PPP2R2B: variants seen among roughly 807,000 people sequenced by gnomAD.
PPP2R2B encodes the protein protein phosphatase 2 regulatory subunit Bbeta.
In PPP2R2B, 5 loss-of-function variants were observed where a neutral mutation model predicts 46.0. That is an observed-to-expected ratio of 0.11 (90% confidence interval 0.06 to 0.23). PPP2R2B has a LOEUF of 0.23. Ranked by LOEUF, PPP2R2B falls within the 10% of genes least tolerant of loss-of-function variation. The pLI, the probability that PPP2R2B is intolerant of heterozygous loss-of-function variation, is 1.00. For synonymous variants in PPP2R2B, 215 were observed against 206.7 expected (o/e 1.04, Z -0.34); for missense variants, 367 against 575.0 (o/e 0.64, Z 3.70).
At chr5:146,690,650 G>A (rs1393045274) in intron 5 of PPP2R2B, among the ~76,000 whole-genome samples, 6 of 152,166 alleles carry the variant, frequency 3.9e-5, no homozygotes, top group African/African-American at 1.4e-4. Flanking sequence ...TTTGCAGATG[G>A]AGAAATTAAA....
intron 1 of PPP2R2B, among the ~76,000 whole-genome samples, chr5:146,929,727 TAAG>T (rs933743298): frequency 7.9e-5 from 12 of 152,126 alleles, no homozygotes; most frequent in African/African-American, 2.9e-4. Context: ...ATAAATAAAA[TAAG>T]CAGCAGTTTT....
chr5:147,081,518 G>A, upstream of PPP2R2B: 1 of 582,124 alleles, frequency 1.7e-6, no homozygotes, highest in East Asian at 2.8e-5. Context: ...TTCCTTCTGT[G>A]ATGGTGGGGA....
chr5:146,795,531 G>T (rs1179895703), intron 2 of PPP2R2B, among the ~76,000 whole-genome samples: 1 of 152,154 alleles, frequency 6.6e-6, no homozygotes, highest in African/African-American at 2.4e-5. Context: ...GGGTTGAGGA[G>T]TGAGGTATTG....
chr5:146,644,184 T>C (rs1775417096), intron 6 of PPP2R2B, among the ~76,000 whole-genome samples: 1 of 113,106 alleles, frequency 8.8e-6, no homozygotes, highest in Admixed American at 1.1e-4. Flanking sequence ...AATATCGTAA[T>C]GCAAAAAAAA....
chr5:146,640,797 A>G (rs926089858), intron 6 of PPP2R2B, among the ~76,000 whole-genome samples: 9 of 152,208 alleles, frequency 5.9e-5, no homozygotes, highest in African/African-American at 2.2e-4. Flanking sequence ...AAACATGTCT[A>G]TGAAACCAGG....
At chr5:147,018,575 A>T (rs1347179338) in intron 1 of PPP2R2B, among the ~76,000 whole-genome samples, 1 of 152,170 alleles carries the variant, frequency 6.6e-6, no homozygotes, top group Non-Finnish European at 1.5e-5. Context: ...AATGTTATGT[A>T]TCTAGATTCT....
intron 1 of PPP2R2B, among the ~76,000 whole-genome samples, chr5:146,972,415 C>T (rs1473252709): frequency 6.6e-6 from 1 of 152,050 alleles, no homozygotes; most frequent in Non-Finnish European, 1.5e-5. Context: ...AGCCCAAACT[C>T]AAGAGGGAGA....
chr5:146,606,184 A>G (rs952187871), intron 7 of PPP2R2B, among the ~76,000 whole-genome samples: 14 of 152,298 alleles, frequency 9.2e-5, no homozygotes, highest in African/African-American at 2.9e-4. Flanking sequence ...GACTCTGGGG[A>G]TAGGAGAAGA....
At chr5:146,645,477 G>A (rs572082161) in intron 6 of PPP2R2B, among the ~76,000 whole-genome samples, 4 of 152,298 alleles carry the variant, frequency 2.6e-5, no homozygotes, top group East Asian at 1.9e-4. Flanking sequence ...TGGGCAGGGT[G>A]AAAGCCACTG....
intron 1 of PPP2R2B, among the ~76,000 whole-genome samples, chr5:147,043,927 C>A (rs927445335): frequency 4.6e-5 from 7 of 152,036 alleles, no homozygotes; most frequent in African/African-American, 1.7e-4. Flanking sequence ...AATCCCACCT[C>A]TCCTGCTTGC....
chr5:146,908,829 T>C (rs1297276878), intron 1 of PPP2R2B, among the ~76,000 whole-genome samples: 1 of 149,448 alleles, frequency 6.7e-6, no homozygotes, highest in African/African-American at 2.5e-5. Context: ...CCACCCAGGG[T>C]TTTGCTATGT....
At chr5:146,736,013 CCCA>C (rs1752512872) in intron 2 of PPP2R2B, among the ~76,000 whole-genome samples, 1 of 152,056 alleles carries the variant, frequency 6.6e-6, no homozygotes, top group Non-Finnish European at 1.5e-5. Flanking sequence ...TCCCATAATC[CCCA>C]CGTGTTATGG....
At chr5:146,930,366 G>A (rs1763927997) in intron 1 of PPP2R2B, among the ~76,000 whole-genome samples, 1 of 152,182 alleles carries the variant, frequency 6.6e-6, no homozygotes, top group Admixed American at 6.6e-5. Context: ...TGGAGTGCTG[G>A]AGAAAAATAG....
chr5:146,928,667 T>C (rs1763868148), intron 1 of PPP2R2B, among the ~76,000 whole-genome samples: 1 of 152,170 alleles, frequency 6.6e-6, no homozygotes, highest in Non-Finnish European at 1.5e-5. Flanking sequence ...TCATATTCCA[T>C]ACTCAACATG....
At chr5:146,634,332 G>T (rs1282674590) in intron 7 of PPP2R2B, among the ~76,000 whole-genome samples, 1 of 152,046 alleles carries the variant, frequency 6.6e-6, no homozygotes, top group Non-Finnish European at 1.5e-5. Context: ...CAGCCTGAGG[G>T]TTTTGTTTAT....
intron 1 of PPP2R2B, among the ~76,000 whole-genome samples, chr5:146,980,240 T>C (rs936540489): frequency 5.3e-5 from 8 of 152,168 alleles, no homozygotes; most frequent in African/African-American, 1.7e-4. Flanking sequence ...CCCAACTAGA[T>C]GTTGGGCATA....
chr5:146,983,870 G>T (rs1457615848), intron 1 of PPP2R2B, among the ~76,000 whole-genome samples: 1 of 151,190 alleles, frequency 6.6e-6, no homozygotes, highest in Non-Finnish European at 1.5e-5. Flanking sequence ...TTCCTTTAGG[G>T]TTGATTGGCT....
At chr5:146,971,492 A>G (rs1582522084) in intron 1 of PPP2R2B, among the ~76,000 whole-genome samples, 1 of 152,364 alleles carries the variant, frequency 6.6e-6, no homozygotes, top group East Asian at 1.9e-4. Context: ...GCCACAATTC[A>G]TTAAGTCCCT....
chr5:146,769,251 T>C (rs544100249), intron 2 of PPP2R2B, among the ~76,000 whole-genome samples: 6 of 152,278 alleles, frequency 3.9e-5, no homozygotes, highest in Admixed American at 2.0e-4. Flanking sequence ...AATGTGGTCC[T>C]GAAACCAACA....
Sources: gnomAD v4.1 joint callset for allele counts (sites outside exome capture counted in the v4.1 genomes callset) on GRCh38, gnomAD v4.1.1 for gene constraint, MANE v1.5 for transcripts, NCBI Gene and HGNC (gene_info 2026-07-23, HGNC 2026-07-21) for gene names.